C12orf56: variants seen among roughly 807,000 people sequenced by gnomAD.
C12orf56 encodes the protein chromosome 12 open reading frame 56, also known as uncharacterized protein C12orf56.
A neutral mutation model predicts 69.9 loss-of-function variants in C12orf56; 71 were observed. The observed-to-expected ratio is 1.02, with a 90% CI of 0.84 to 1.24. The LOEUF is 1.24. Ranked by LOEUF, C12orf56 falls within the 50% of genes most tolerant of loss-of-function variation. C12orf56 has a pLI of 0.00. For synonymous variants in C12orf56, 276 were observed against 274.1 expected, an observed-to-expected ratio of 1.01 and a Z score of -0.07; for missense variants, 732 against 738.5, an observed-to-expected ratio of 0.99 and a Z score of 0.10.
At chr12:64,359,143 C>G (rs1001258346) in intron 1 of C12orf56, among the ~76,000 whole-genome samples, 1 of 152,130 alleles carries the variant, frequency 6.6e-6, no homozygotes, top group African/African-American at 2.4e-5. Context: ...GCGAAAGATG[C>G]CCTCCCTATA....
intron 2 of C12orf56, among the ~76,000 whole-genome samples, chr12:64,339,860 T>A (rs1269179527): frequency 1.3e-5 from 2 of 152,040 alleles, no homozygotes. Flanking sequence ...AATGTCTGTA[T>A]TAGTCAGTGT....
chr12:64,272,113 T>C (rs2037997349), intron 11 of C12orf56, among the ~76,000 whole-genome samples: 1 of 152,178 alleles, frequency 6.6e-6, no homozygotes, highest in Non-Finnish European at 1.5e-5. Context: ...TCCCAGCTAC[T>C]TAGGAGGCTG....
intron 3 of C12orf56, among the ~76,000 whole-genome samples, chr12:64,323,900 A>C (rs2038803954): frequency 6.6e-6 from 1 of 152,236 alleles, no homozygotes; most frequent in African/African-American, 2.4e-5. Context: ...GGGGAATTAC[A>C]TGCTGAAATG....
In C12orf56 at chr12:64,308,849, A is replaced by AAAAG. The variant is rs1268006194; in HGVS notation, c.968+3826_968+3829dup. On this transcript the variant is annotated intron_variant, in intron 5 of 12. Transcript: ENST00000543942. ...CAGAGCAAGACTCCATCTCAAAAAA[A>AAAAG]AAAGAAAGAAAGAAAGAAAAGAAAG... Among the ~76,000 whole-genome samples, 387 of 149,782 alleles carry AAAAG rather than the reference A, an allele frequency of 2.6e-3. 4 individuals are homozygous for AAAAG. The highest frequency in any genetic ancestry group is 3.7e-3 in the African/African-American group (150 of 40,732).
chr12:64,271,560 C>A (rs1437253587), intron 11 of C12orf56, among the ~76,000 whole-genome samples: 2 of 152,148 alleles, frequency 1.3e-5, no homozygotes, highest in Non-Finnish European at 2.9e-5. Context: ...ACTACACACC[C>A]ATTGAATTAG....
chr12:64,347,654 T>C lies in C12orf56; in HGVS notation c.415+5240A>G, dbSNP rs551390367. ...CTTCTTCTACCTGTCTCTCTAGTTA[T>C]ATATGTGTTGAGTGTGTGATGTCTA... On this transcript the variant is annotated intron_variant, in intron 2 of 12. Coordinates refer to ENST00000543942, the MANE Select transcript of C12orf56 (RefSeq NM_001170633.2). Among the ~76,000 whole-genome samples the C allele has an allele frequency of 4.6e-5, 7 of 152,246 alleles. No homozygotes were observed. The East Asian group carries it at 1.4e-3, about 29-fold the overall frequency.
At chr12:64,362,479 G>A (rs989081311) in intron 1 of C12orf56, among the ~76,000 whole-genome samples, 1 of 152,080 alleles carries the variant, frequency 6.6e-6, no homozygotes, top group Non-Finnish European at 1.5e-5. Flanking sequence ...ATCACCTGAG[G>A]TCAGGAGTTC....
intron 2 of C12orf56, among the ~76,000 whole-genome samples, chr12:64,352,087 G>GTGTTTT (rs2039230890): frequency 9.5e-6 from 1 of 105,540 alleles, no homozygotes; most frequent in African/African-American, 3.5e-5. Flanking sequence ...AGGTTTTTTT[G>GTGTTTT]TTTTTGTTTT....
rs2038637021 is a variant in C12orf56, at chr12:64,312,743, GA to G, written c.903del (p.Leu302PhefsTer44). 1 of 1,535,446 alleles carries G rather than the reference GA, an allele frequency of 6.5e-7. No individual in the cohort carries two copies. The highest frequency in any genetic ancestry group is 8.7e-7 in the Non-Finnish European group (1 of 1,145,854). ...CTAGCATAGAAGGGATCTTGTAAAA[GA>G]GTAGCTTTCTGAAAAAGGAAAAAGT... Reference protein sequence around the residue: ...SSWNNYIIKATLLQDPFYASE... With the variant: ...SSWNNYIIKAXLLQDPFYASE... On this transcript the variant is annotated frameshift_variant, in exon 5 of 13. Transcript: ENST00000543942. LOFTEE classifies it high-confidence loss of function.
In C12orf56 at chr12:64,390,514, C is replaced by T; in HGVS notation, c.52G>A (p.Asp18Asn). The T allele has an allele frequency of 1.9e-6, 3 of 1,599,364 alleles. No homozygotes were observed. The highest frequency in any genetic ancestry group is 1.7e-5 in the Admixed American group (1 of 59,950). The change falls in exon 1 of 13, where the codon GAT becomes AAT. Residue 18 changes from aspartate (D) to asparagine (N), a missense_variant. Coordinates refer to ENST00000543942, the MANE Select transcript of C12orf56 (RefSeq NM_001170633.2). The part of the protein sequence containing the change: ...GFPARRNSRL[D>N]VFLRRHLPPE... Reference sequence around the variant, plus strand: ...GGCAGATGCCGCCGCAGGAACACATCCAGGCGGCTGTTCCTGCGCGCGGGG... The same window carrying T: ...GGCAGATGCCGCCGCAGGAACACATTCAGGCGGCTGTTCCTGCGCGCGGGG...
At chr12:64,311,305 C>A (rs1045232550) in intron 5 of C12orf56, among the ~76,000 whole-genome samples, 1 of 151,390 alleles carries the variant, frequency 6.6e-6, no homozygotes, top group African/African-American at 2.4e-5. Flanking sequence ...CATGGCTACT[C>A]GGGAGGCTGA....
At chr12:64,338,179 A>C in intron 2 of C12orf56, 1 of 579,002 alleles carries the variant, frequency 1.7e-6, no homozygotes, top group Non-Finnish European at 3.4e-6. Context: ...GGCTTAGTCC[A>C]AAAACTTCCT....
chr12:64,318,503 AGGAG>A lies in C12orf56; in HGVS notation c.894+68_894+71del. 5.4e-6 allele frequency: 7 copies of A among 1,299,876 alleles called. No individual in the cohort carries two copies. The South Asian group carries it at 9.7e-5, about 18-fold the overall frequency. The allele number at this position is 1,299,876 out of a possible 1,614,324, so 80.5% of individuals were successfully genotyped here. A position where few individuals can be genotyped will look rare whatever the true frequency, so the allele number is the denominator to read the frequency against. ...TTCCAAAATGGGAGGTAAAGGAGGGAGGAGGGCTTGTTTGCTCTAAAAAATAAAA... is the reference window on the plus strand; with the variant it reads ...TTCCAAAATGGGAGGTAAAGGAGGGAGGCTTGTTTGCTCTAAAAAATAAAA... On this transcript the variant is annotated intron_variant, in intron 4 of 12. Coordinates refer to ENST00000543942, the MANE Select transcript of C12orf56 (RefSeq NM_001170633.2).
At chr12:64,330,519 C>G (rs2038915619) in intron 3 of C12orf56, among the ~76,000 whole-genome samples, 1 of 152,138 alleles carries the variant, frequency 6.6e-6, no homozygotes, top group Non-Finnish European at 1.5e-5. Flanking sequence ...GAAAATTGCT[C>G]AGACTCATTC....
At chr12:64,316,984 A>G (rs535717090) in intron 4 of C12orf56, among the ~76,000 whole-genome samples, 1 of 152,332 alleles carries the variant, frequency 6.6e-6, no homozygotes, top group African/African-American at 2.4e-5. Context: ...CAATTCAGGG[A>G]AGCATAAACA....
At chr12:64,351,136 A>AT (rs2039216784) in intron 2 of C12orf56, among the ~76,000 whole-genome samples, 1 of 152,178 alleles carries the variant, frequency 6.6e-6, no homozygotes, top group Admixed American at 6.6e-5. Context: ...ACATCCTGCC[A>AT]TTTGGGAAAA....
intron 8 of C12orf56, among the ~76,000 whole-genome samples, chr12:64,279,218 C>T (rs768009546): frequency 2.6e-5 from 4 of 152,208 alleles, no homozygotes; most frequent in Non-Finnish European, 5.9e-5. Context: ...CCACACCCAA[C>T]TCCACCATTT....
chr12:64,387,436 A>C (rs1286674753), intron 1 of C12orf56, among the ~76,000 whole-genome samples: 1 of 152,246 alleles, frequency 6.6e-6, no homozygotes, highest in Non-Finnish European at 1.5e-5. Context: ...TGAATAAATA[A>C]ATTGGTATCC....
At chr12:64,379,767 C>T (rs187235961) in intron 1 of C12orf56, among the ~76,000 whole-genome samples, 62 of 151,558 alleles carry the variant, frequency 4.1e-4, no homozygotes, top group Non-Finnish European at 8.2e-4. Context: ...CCTCAGCTTA[C>T]GTAACTCTTA....
Sources: allele counts gnomAD v4.1 joint callset (sites outside exome capture counted in the v4.1 genomes callset), GRCh38; gene constraint gnomAD v4.1.1; transcripts MANE v1.5; gene names NCBI Gene and HGNC (gene_info 2026-07-23, HGNC 2026-07-21).